Variants in GRIK2 observed in about 807,000 individuals in gnomAD.
GRIK2 encodes glutamate receptor ionotropic, kainate 2.
In GRIK2, 32 loss-of-function variants were observed where a neutral mutation model predicts 100.3. That is an observed-to-expected ratio of 0.32 (90% confidence interval 0.24 to 0.43). The LOEUF is 0.43. GRIK2 is among the 20% of genes least tolerant of loss of function. The pLI is 1.00. For missense variants in GRIK2, 843 were observed against 1,114.9 expected, an observed-to-expected ratio of 0.76 and a Z score of 3.47; for synonymous variants, 417 against 389.4, an observed-to-expected ratio of 1.07 and a Z score of -0.83.
At chr6:101,922,286 T>G (rs1789605568) in intron 12 of GRIK2, among the ~76,000 whole-genome samples, 1 of 152,078 alleles carries the variant, frequency 6.6e-6, no homozygotes, top group African/African-American at 2.4e-5. Flanking sequence ...ATTCCTCTCA[T>G]TTCCCATGGA....
chr6:102,043,608 ATAG>A (rs1770717079), intron 15 of GRIK2, among the ~76,000 whole-genome samples: 2 of 151,870 alleles, frequency 1.3e-5, no homozygotes, highest in South Asian at 4.1e-4. Context: ...TTAGGGCTGA[ATAG>A]TATTCCATTG....
At chr6:101,949,881 G>A (rs1399701951) in intron 14 of GRIK2, among the ~76,000 whole-genome samples, 1 of 152,068 alleles carries the variant, frequency 6.6e-6, no homozygotes, top group African/African-American at 2.4e-5. Context: ...CTAGTAATGG[G>A]ATTGCTGGGC....
intron 14 of GRIK2, among the ~76,000 whole-genome samples, chr6:102,015,841 T>G (rs1795807387): frequency 6.6e-6 from 1 of 152,108 alleles, no homozygotes; most frequent in Admixed American, 6.5e-5. Flanking sequence ...TATAACCTAA[T>G]ATCAATGGCT....
chr6:101,584,619 A>C (rs553509239), intron 2 of GRIK2, among the ~76,000 whole-genome samples: 1 of 152,158 alleles, frequency 6.6e-6, no homozygotes, highest in Admixed American at 6.6e-5. Context: ...AATAAGCATC[A>C]AAGTTGTTAC....
rs370258648 is a variant in GRIK2, at chr6:101,761,844, C to T, written c.952-37804C>T. Reference sequence around the variant, plus strand: ...TTCTTTTCTTCCTTTGTTTCCTTTCCTTCCTTCCCTTCCTTTCCTTTCCCC... The same window carrying T: ...TTCTTTTCTTCCTTTGTTTCCTTTCTTTCCTTCCCTTCCTTTCCTTTCCCC... On this transcript the variant is annotated intron_variant, in intron 7 of 16. Coordinates refer to ENST00000369134, the MANE Select transcript of GRIK2 (RefSeq NM_021956.5). 3.2e-3 allele frequency among the ~76,000 whole-genome samples: 386 copies of T among 122,298 alleles called. 3 individuals are homozygous for T. The highest frequency in any genetic ancestry group is 0.016 in the South Asian group (56 of 3,504). The allele number at this position is 122,298 out of a possible 152,430, so 80.2% of individuals were successfully genotyped here. A position where few individuals can be genotyped will look rare whatever the true frequency, so the allele number is the denominator to read the frequency against.
intron 2 of GRIK2, among the ~76,000 whole-genome samples, chr6:101,468,784 A>T (rs1771793899): frequency 6.6e-6 from 1 of 152,160 alleles, no homozygotes; most frequent in Admixed American, 6.5e-5. Flanking sequence ...TAGTTTACTT[A>T]AAATCTAATC....
At chr6:101,674,882 C>T (rs1485065624) in intron 4 of GRIK2, among the ~76,000 whole-genome samples, 1 of 152,012 alleles carries the variant, frequency 6.6e-6, no homozygotes, top group African/African-American at 2.4e-5. Flanking sequence ...TGTGAATTCA[C>T]ATTTTTTATT....
chr6:101,924,646 C>A lies in GRIK2; in HGVS notation c.1794C>A (p.Asp598Glu). 1.2e-6 allele frequency: 2 copies of A among 1,611,658 alleles called. No individual in the cohort carries two copies. The highest frequency in any genetic ancestry group is 1.7e-6 in the Non-Finnish European group (2 of 1,177,738). ...EWYNPHPCNPDSDVVENNFTL... is the reference protein window; with the variant it reads ...EWYNPHPCNPESDVVENNFTL... Reference sequence around the variant, plus strand: ...ATAATCCACACCCTTGCAACCCTGACTCAGACGTGGTGGAAAACAATTTTA... The same window carrying A: ...ATAATCCACACCCTTGCAACCCTGAATCAGACGTGGTGGAAAACAATTTTA... Residue 598 changes from aspartate to glutamate, a missense_variant, in exon 13 of 17, where the codon GAC becomes GAA. By Grantham distance (45) the Asp-to-Glu change is conservative (BLOSUM62 2). Transcript: ENST00000369134.
At chr6:101,519,347 T>TGTGTGTGTGTGTGTG (rs1774755405) in intron 2 of GRIK2, among the ~76,000 whole-genome samples, 1 of 111,544 alleles carries the variant, frequency 9.0e-6, no homozygotes, top group Admixed American at 9.0e-5. Context: ...GTGTGTGTGT[T>TGTGTGTGTGTGTGTG]TGCGCTGGTG....
intron 4 of GRIK2, among the ~76,000 whole-genome samples, chr6:101,657,836 T>C (rs1769304255): frequency 6.6e-6 from 1 of 152,078 alleles, no homozygotes; most frequent in African/African-American, 2.4e-5. Flanking sequence ...AAATAAATAA[T>C]AGAGAATGCA....
chr6:101,641,739 C>G (rs1273802892), intron 4 of GRIK2, among the ~76,000 whole-genome samples: 4 of 151,894 alleles, frequency 2.6e-5, no homozygotes, highest in Non-Finnish European at 5.9e-5. Flanking sequence ...CAGGTCTGAG[C>G]TTTTACACTA....
intron 7 of GRIK2, among the ~76,000 whole-genome samples, chr6:101,796,219 A>T (rs146452734): frequency 1.3e-5 from 2 of 152,164 alleles, no homozygotes; most frequent in African/African-American, 4.8e-5. Context: ...CACATACTTG[A>T]TGGGATTGCA....
intron 2 of GRIK2, among the ~76,000 whole-genome samples, chr6:101,443,360 T>C (rs1192648900): frequency 1.3e-5 from 2 of 152,114 alleles, no homozygotes; most frequent in South Asian, 2.1e-4. Context: ...TTAATTCTAA[T>C]TTACAAAAAG....
Position 102,035,562 on chromosome 6 carries a change from C to T in GRIK2, c.2307C>T (p.Pro769=). Reference sequence around the variant, plus strand: ...CTAAAGGTTATGGCGTTGGCACTCCCATGGGTAGGTTATATGTCAGCTCTT... The same window carrying T: ...CTAAAGGTTATGGCGTTGGCACTCCTATGGGTAGGTTATATGTCAGCTCTT... ...IDSKGYGVGT[P]MGSPYRDKIT... Residue 769 remains proline (P), a synonymous_variant, in exon 15 of 17, where the codon CCC becomes CCT. Transcript: ENST00000369134. 1.3e-6 allele frequency: 2 copies of T among 1,557,924 alleles called. No individual in the cohort carries two copies. Among genetic ancestry groups the T allele is most frequent in the Non-Finnish European group, 1.8e-6 (2 of 1,130,440 alleles).
At chr6:101,863,537 T>C (rs542620064) in intron 11 of GRIK2, among the ~76,000 whole-genome samples, 7 of 152,332 alleles carry the variant, frequency 4.6e-5, no homozygotes, top group African/African-American at 1.7e-4. Flanking sequence ...TGAAATTCTT[T>C]GTCCTTTCAT....
intron 2 of GRIK2, among the ~76,000 whole-genome samples, chr6:101,593,354 A>C (rs1376585192): frequency 6.6e-6 from 1 of 151,894 alleles, no homozygotes; most frequent in African/African-American, 2.4e-5. Context: ...TCTGATCTTT[A>C]ATAATTTGCT....
At position 101,642,470 on chromosome 6, in the gene GRIK2, T is replaced by C. The variant is rs180794406; in HGVS notation, c.541+15833T>C. Among the ~76,000 whole-genome samples, 5 of 151,928 alleles carry C rather than the reference T, an allele frequency of 3.3e-5. No individual in the cohort carries two copies. In the East Asian group the frequency reaches 5.8e-4, roughly 18 times the overall value. On this transcript the variant is annotated intron_variant, in intron 4 of 16. Coordinates refer to ENST00000369134, the MANE Select transcript of GRIK2 (RefSeq NM_021956.5). ...ATGAATTAAATACTCTAGATACTCA[T>C]AGAAATCGATTATACAGTGTTTGTC...
At chr6:101,460,987 G>A (rs1203011264) in intron 2 of GRIK2, among the ~76,000 whole-genome samples, 2 of 152,172 alleles carry the variant, frequency 1.3e-5, no homozygotes, top group Non-Finnish European at 2.9e-5. Context: ...CAATGTGTCT[G>A]TTATTATCGT....
At chr6:101,551,693 A>C (rs974331765) in intron 2 of GRIK2, among the ~76,000 whole-genome samples, 2 of 152,224 alleles carry the variant, frequency 1.3e-5, no homozygotes, top group Non-Finnish European at 2.9e-5. Context: ...GACTTATACT[A>C]CCAAAAAGAG....
Sources: allele counts gnomAD v4.1 joint callset (sites outside exome capture counted in the v4.1 genomes callset), GRCh38; gene constraint gnomAD v4.1.1; transcripts MANE v1.5; gene names NCBI Gene and HGNC (gene_info 2026-07-23, HGNC 2026-07-21).